JAK3: variants seen among roughly 807,000 people sequenced by gnomAD.
The protein encoded by JAK3 is Janus kinase 3.
In JAK3, 88 loss-of-function variants were observed where a neutral mutation model predicts 120.8. That is an observed-to-expected ratio of 0.73 (90% CI 0.61 to 0.87). The LOEUF (loss-of-function observed/expected upper bound fraction) is 0.87. JAK3 is among the 40% of genes least tolerant of loss of function. The probability of loss-of-function intolerance (pLI) is 0.00; values close to 1 mark genes in which losing one functional copy is unlikely to be tolerated. For missense variants in JAK3, 1,254 were observed against 1,501.4 expected (o/e 0.84, Z 2.72); for synonymous variants, 592 against 628.6 (o/e 0.94, Z 0.87).
rs370066330 is a variant in JAK3 at position 17,831,761 on chromosome 19, G to T, written c.2718C>A (p.Pro906=). Residue 906 remains proline (P), a synonymous_variant, in exon 20 of 24, where the codon CCC becomes CCA. Transcript: ENST00000458235. The surrounding 1 kb of genome is among the most constrained non-coding windows in gnomAD (Gnocchi z 5.1). ...GCAGGAAGTCGCGCAAGCAGCCGCTGGGCAGGTACTCCATGACCAGCCGCA... is the reference window on the plus strand; with the variant it reads ...GCAGGAAGTCGCGCAAGCAGCCGCTTGGCAGGTACTCCATGACCAGCCGCA... ...QSLRLVMEYL[P]SGCLRDFLQR... is the part of the protein sequence containing the mutation. 2.5e-6 allele frequency: 4 copies of T among 1,612,678 alleles called. No homozygotes were observed. In the African/African-American group the frequency reaches 5.3e-5, roughly 22 times the overall value.
At chr19:17,829,281 C>G (rs2094209451) in intron 23 of JAK3, among the ~76,000 whole-genome samples, 1 of 152,120 alleles carries the variant, frequency 6.6e-6, no homozygotes, top group Non-Finnish European at 1.5e-5. Context: ...TCTCCTGCCT[C>G]AGCCTCGCAA....
intron 12 of JAK3, 97 bp downstream of exon 12, chr19:17,837,835 C>G (rs1410410686): frequency 3.8e-6 from 6 of 1,562,794 alleles, no homozygotes; most frequent in Non-Finnish European, 5.3e-6. Flanking sequence ...CATGAGCCAC[C>G]ACGCCCAGGT....
Position 17,831,559 on chromosome 19 carries a change from ACT to A in JAK3, c.2805+113_2805+114del, listed in dbSNP as rs2094214538. 3 of 1,489,674 alleles carry A rather than the reference ACT, an allele frequency of 2.0e-6. No homozygotes were observed. Among genetic ancestry groups the A allele is most frequent in the Non-Finnish European group, 2.7e-6 (3 of 1,110,078 alleles). The allele number at this position is 1,489,674 out of a possible 1,614,324, so 92.3% of individuals were successfully genotyped here. A position where few individuals can be genotyped will look rare whatever the true frequency, so the allele number is the denominator to read the frequency against. On this transcript the variant is annotated intron_variant, in intron 20 of 23. Coordinates refer to ENST00000458235, the MANE Select transcript of JAK3 (RefSeq NM_000215.4). The surrounding 1 kb of genome is among the most constrained non-coding windows in gnomAD (Gnocchi z 5.1). The stretch of plus-strand genomic sequence containing the variant: ...TCCTGAGCCCTAAGCCAACCCCACC[ACT>A]CCCGAGACCTGGACCCCAAACCACT...
At position 17,832,420 on chromosome 19, in the gene JAK3, C is replaced by T. The variant is rs1483507081; in HGVS notation, c.2680+99G>A. On this transcript the variant is annotated intron_variant, in intron 19 of 23. Coordinates refer to ENST00000458235, the MANE Select transcript of JAK3 (RefSeq NM_000215.4). This position sits in a 1 kb window ranked among gnomAD's most constrained non-coding sequence, Gnocchi z 4.7. The stretch of plus-strand genomic sequence containing the variant: ...CCATGTGAATCTGGATCAATAATCA[C>T]GTTCCCAGCCTACCTAAAGTGGCCT... 2.3e-5 allele frequency: 27 copies of T among 1,176,322 alleles called. No homozygotes were observed. Among genetic ancestry groups the T allele is most frequent in the Non-Finnish European group, 3.1e-5 (24 of 785,672 alleles). 72.9% of individuals were successfully genotyped at this position (1,176,322 alleles called of 1,614,324 possible).
At position 17,843,189 on chromosome 19, in the gene JAK3, GGGAGCATCAGCTGA is replaced by G. The variant is rs1464479830; in HGVS notation, c.421-31_421-18del. 6.3e-7 allele frequency: 1 copy of G among 1,599,048 alleles called. No homozygotes were observed. On this transcript the variant is annotated intron_variant, in intron 4 of 23. Coordinates refer to ENST00000458235, the MANE Select transcript of JAK3 (RefSeq NM_000215.4). This position sits in a 1 kb window ranked among gnomAD's most constrained non-coding sequence, Gnocchi z 5.4. Reference sequence around the variant, plus strand: ...ACTGCGGTGCTGGGGGGCCGCCACAGGGAGCATCAGCTGAGGCCACCCAACTTCAAGCCCTGTTG... The same window carrying G: ...ACTGCGGTGCTGGGGGGCCGCCACAGGGCCACCCAACTTCAAGCCCTGTTG...
intron 9 of JAK3, 21 bp from the exon 10 acceptor site, chr19:17,839,684 T>C: frequency 1.3e-6 from 2 of 1,583,720 alleles, no homozygotes; most frequent in Non-Finnish European, 1.7e-6. Context: ...GAGTGGCCCC[T>C]GAGTGGGACT....
At chr19:17,844,673 T>C (rs1161277606) in intron 1 of JAK3, among the ~76,000 whole-genome samples, 1 of 151,674 alleles carries the variant, frequency 6.6e-6, no homozygotes, top group Non-Finnish European at 1.5e-5. Flanking sequence ...GGTGCGTTCC[T>C]GTAATCCCAG....
intron 10 of JAK3, chr19:17,839,228 C>T (rs1407348321): frequency 3.1e-6 from 2 of 636,804 alleles, no homozygotes; most frequent in Non-Finnish European, 5.8e-6. Flanking sequence ...TGAAATTCAC[C>T]CAGAGGAAGA....
In JAK3 at chr19:17,841,254, G is replaced by A. The variant is rs1263132056; in HGVS notation, c.1142+135C>T. 8 of 826,442 alleles carry A rather than the reference G, an allele frequency of 9.7e-6. No homozygotes were observed. Among genetic ancestry groups the A allele is most frequent in the African/African-American group, 1.7e-5 (1 of 59,080 alleles). The allele number at this position is 826,442 out of a possible 1,614,324, so 51.2% of individuals were successfully genotyped here. A position where few individuals can be genotyped will look rare whatever the true frequency, so the allele number is the denominator to read the frequency against. The stretch of plus-strand genomic sequence containing the variant: ...AAGGAATACTTCAGCTTCACTGAGC[G>A]CTGACTGTGCGGCAGGTGTGGTTTG... On this transcript the variant is annotated intron_variant, in intron 8 of 23. Coordinates refer to ENST00000458235, the MANE Select transcript of JAK3 (RefSeq NM_000215.4). This position sits in a 1 kb window ranked among gnomAD's most constrained non-coding sequence, Gnocchi z 4.1.
At chr19:17,830,256 C>T in intron 22 of JAK3, 38 bp from the exon 23 acceptor site, 1 of 1,507,004 alleles carries the variant, frequency 6.6e-7, no homozygotes, top group Non-Finnish European at 9.0e-7. Context: ...GGGGGAGGAG[C>T]CTCCGTGGGT....
chr19:17,841,532 T>C lies in JAK3; in HGVS notation c.999A>G (p.Pro333=). 1 of 1,588,940 alleles carries C rather than the reference T, an allele frequency of 6.3e-7. No individual in the cohort carries two copies. Among genetic ancestry groups the C allele is most frequent in the South Asian group, 1.1e-5 (1 of 88,406 alleles). Reference sequence around the variant, plus strand: ...CGAACGACAGAGCCTCGGGCAGCCCTGGGAACTCGGCCTCCTGCGAGGGAC... The same window carrying C: ...CGAACGACAGAGCCTCGGGCAGCCCCGGGAACTCGGCCTCCTGCGAGGGAC... The part of the protein sequence containing the change: ...TDNQILEAEF[P]GLPEALSFVA... Residue 333 remains proline, a synonymous_variant, in exon 8 of 24, where the codon CCA becomes CCG. Coordinates refer to ENST00000458235, the MANE Select transcript of JAK3 (RefSeq NM_000215.4). The surrounding 1 kb of genome is among the most constrained non-coding windows in gnomAD (Gnocchi z 4.1).
chr19:17,830,828 C>T, intron 21 of JAK3, among the ~76,000 whole-genome samples: 1 of 87,176 alleles, frequency 1.1e-5, no homozygotes, highest in African/African-American at 4.5e-5. Context: ...GGGGAGGAGG[C>T]GGGGGCAGCA....
At chr19:17,839,737 T>TA in intron 9 of JAK3, 74 bp from the exon 10 acceptor site, 151 of 1,194,582 alleles carry the variant, frequency 1.3e-4, no homozygotes, top group Non-Finnish European at 1.7e-4. Flanking sequence ...TCCTTTTTTT[T>TA]CTTTTTTTTT....
Position 17,842,756 on chromosome 19 carries a change from G to A in JAK3, c.567-146C>T, listed in dbSNP as rs1369825272. ...ACACACAGACTCTCATTCAGGGTCA[G>A]GTATGAGGACCGGACCTCAGAGTAG... On this transcript the variant is annotated intron_variant, in intron 5 of 23. Transcript: ENST00000458235. This position sits in a 1 kb window ranked among gnomAD's most constrained non-coding sequence, Gnocchi z 6.4. 6.3e-6 allele frequency: 6 copies of A among 955,672 alleles called. No individual in the cohort carries two copies. Among genetic ancestry groups the A allele is most frequent in the Non-Finnish European group, 9.2e-6 (6 of 654,258 alleles). The allele number at this position is 955,672 out of a possible 1,614,324, so 59.2% of individuals were successfully genotyped here. A position where few individuals can be genotyped will look rare whatever the true frequency, so the allele number is the denominator to read the frequency against.
At chr19:17,846,912 G>GA (rs909842843) in intron 1 of JAK3, among the ~76,000 whole-genome samples, 13 of 148,634 alleles carry the variant, frequency 8.7e-5, no homozygotes, top group South Asian at 8.5e-4. Flanking sequence ...ATTTTGTAGG[G>GA]GGGAGGACGG....
In JAK3 at chr19:17,842,933, G is replaced by A; in HGVS notation, c.566+94C>T. On this transcript the variant is annotated intron_variant, in intron 5 of 23. Coordinates refer to ENST00000458235, the MANE Select transcript of JAK3 (RefSeq NM_000215.4). The surrounding 1 kb of genome is among the most constrained non-coding windows in gnomAD (Gnocchi z 6.4). Reference sequence around the variant, plus strand: ...ATAGGAACACCCTGAAAGCTTGCAGGAGAACTCCATGGTGGGAGCCCGGCA... The same window carrying A: ...ATAGGAACACCCTGAAAGCTTGCAGAAGAACTCCATGGTGGGAGCCCGGCA... 4 of 1,541,570 alleles carry A rather than the reference G, an allele frequency of 2.6e-6. No homozygotes were observed. Among genetic ancestry groups the A allele is most frequent in the Non-Finnish European group, 3.5e-6 (4 of 1,129,076 alleles).
intron 23 of JAK3, 48 bp downstream of exon 23, chr19:17,830,060 G>T: frequency 7.1e-7 from 1 of 1,402,788 alleles, no homozygotes; most frequent in Non-Finnish European, 9.9e-7. Flanking sequence ...CCGAGACCCC[G>T]GCCCAATCTA....
Position 17,832,418 on chromosome 19 carries a change from C to T in JAK3, c.2680+101G>A. 2 of 1,159,158 alleles carry T rather than the reference C, an allele frequency of 1.7e-6. No homozygotes were observed. The highest frequency in any genetic ancestry group is 2.6e-6 in the Non-Finnish European group (2 of 770,414). The allele number at this position is 1,159,158 out of a possible 1,614,324, so 71.8% of individuals were successfully genotyped here. A position where few individuals can be genotyped will look rare whatever the true frequency, so the allele number is the denominator to read the frequency against. ...ACCCATGTGAATCTGGATCAATAAT[C>T]ACGTTCCCAGCCTACCTAAAGTGGC... is the stretch of plus-strand genomic sequence containing the variant. On this transcript the variant is annotated intron_variant, in intron 19 of 23. Coordinates refer to ENST00000458235, the MANE Select transcript of JAK3 (RefSeq NM_000215.4). This position sits in a 1 kb window ranked among gnomAD's most constrained non-coding sequence, Gnocchi z 4.7.
chr19:17,847,883 C>T lies in JAK3; in HGVS notation c.-14+63G>A, dbSNP rs2094256053. The T allele has an allele frequency of 7.4e-6, 4 of 542,446 alleles. 1 individual carries two copies. In the South Asian group the frequency reaches 2.5e-4, roughly 33 times the overall value. 33.6% of individuals were successfully genotyped at this position (542,446 alleles called of 1,614,324 possible). A position where few individuals can be genotyped will look rare whatever the true frequency, so the allele number is the denominator to read the frequency against. On this transcript the variant is annotated intron_variant, in intron 1 of 23. Coordinates refer to ENST00000458235, the MANE Select transcript of JAK3 (RefSeq NM_000215.4). ...CAGCACCCTGCCCCAGCCCAGCCAT[C>T]CCCCGCCACCACCATCCTCCCCCAG...
Sources: allele counts gnomAD v4.1 joint callset (sites outside exome capture counted in the v4.1 genomes callset), GRCh38; gene constraint gnomAD v4.1.1; non-coding constraint Gnocchi (gnomAD v3.1); transcripts MANE v1.5; gene names NCBI Gene and HGNC (gene_info 2026-07-23, HGNC 2026-07-21).